The following KCNJ6 variants were observed in gnomAD, a reference collection of about 807,000 sequenced individuals.
KCNJ6 encodes potassium inwardly rectifying channel subfamily J member 6, also known as G protein-activated inward rectifier potassium channel 2.
In KCNJ6, 9 loss-of-function variants were observed where a neutral mutation model predicts 34.2. That is an observed-to-expected ratio of 0.26 (90% confidence interval 0.16 to 0.46). The LOEUF is 0.46. KCNJ6 is among the 20% of genes least tolerant of loss of function. KCNJ6 has a pLI of 1.00. For missense variants in KCNJ6, 236 were observed against 531.3 expected (o/e 0.44, Z 5.46); for synonymous variants, 196 against 207.1 (o/e 0.95, Z 0.46).
intron 1 of KCNJ6, among the ~76,000 whole-genome samples, chr21:37,882,908 G>C (rs1403642852): frequency 6.6e-6 from 1 of 152,234 alleles, no homozygotes; most frequent in African/African-American, 2.4e-5. Flanking sequence ...TGAGTGTGTT[G>C]TGTGCAAACA....
At chr21:37,901,099 CAACA>C (rs1393715313) in intron 1 of KCNJ6, among the ~76,000 whole-genome samples, 5 of 151,950 alleles carry the variant, frequency 3.3e-5, no homozygotes, top group African/African-American at 1.2e-4. Flanking sequence ...CATACTTGTG[CAACA>C]AACAAATAAG....
chr21:37,801,022 A>G (rs185058460), intron 2 of KCNJ6, among the ~76,000 whole-genome samples: 266 of 152,326 alleles, frequency 1.7e-3, no homozygotes, highest in African/African-American at 6.2e-3. Context: ...TCGTTGTTAA[A>G]GATGGCCAGT....
At chr21:37,718,981 G>T (rs2054809758) in intron 2 of KCNJ6, among the ~76,000 whole-genome samples, 1 of 152,174 alleles carries the variant, frequency 6.6e-6, no homozygotes, top group African/African-American at 2.4e-5. Flanking sequence ...GGGGAGATGG[G>T]GAGGGAAGGC....
At chr21:37,663,530 G>A (rs1319855225) in intron 3 of KCNJ6, among the ~76,000 whole-genome samples, 1 of 151,540 alleles carries the variant, frequency 6.6e-6, no homozygotes, top group African/African-American at 2.4e-5. Context: ...GCATAGAAAA[G>A]TTGAAGCTAA....
intron 1 of KCNJ6, among the ~76,000 whole-genome samples, chr21:37,900,551 G>C (rs6650844): frequency 1.3e-4 from 20 of 152,304 alleles, no homozygotes; most frequent in African/African-American, 4.1e-4. Flanking sequence ...GCATACTATG[G>C]AGGAAGTTTA....
At chr21:37,905,705 T>C (rs1056293338) in intron 1 of KCNJ6, among the ~76,000 whole-genome samples, 2 of 152,206 alleles carry the variant, frequency 1.3e-5, no homozygotes, top group African/African-American at 4.8e-5. Context: ...GTGTACATTA[T>C]TGTTTCATCA....
At chr21:37,672,073 G>A (rs1315108493) in intron 3 of KCNJ6, among the ~76,000 whole-genome samples, 20 of 152,148 alleles carry the variant, frequency 1.3e-4, no homozygotes, top group Non-Finnish European at 7.4e-5. Context: ...GCTCTGGAGG[G>A]AATTGTGTCT....
At chr21:37,861,547 A>AT in intron 1 of KCNJ6, among the ~76,000 whole-genome samples, 1 of 152,142 alleles carries the variant, frequency 6.6e-6, no homozygotes, top group Non-Finnish European at 1.5e-5. Flanking sequence ...AGGGCATGCA[A>AT]TTTAGCCCCT....
At chr21:37,671,252 T>A (rs147109786) in intron 3 of KCNJ6, among the ~76,000 whole-genome samples, 189 of 152,326 alleles carry the variant, frequency 1.2e-3, no homozygotes, top group African/African-American at 4.2e-3. Context: ...GTTCAGTTGA[T>A]CACCAATGGC....
chr21:37,816,074 C>A (rs2835982), intron 2 of KCNJ6, among the ~76,000 whole-genome samples: 48,987 of 152,068 alleles, frequency 0.32, 9,109 homozygotes, highest in South Asian at 0.4. Context: ...TGAAGGGAAC[C>A]AAGCTCTGAT....
intron 2 of KCNJ6, among the ~76,000 whole-genome samples, chr21:37,726,480 A>G (rs909761357): frequency 1.3e-5 from 2 of 152,160 alleles, no homozygotes; most frequent in South Asian, 4.1e-4. Context: ...GAGTGGGTGT[A>G]TGTTTATTGA....
chr21:37,879,356 C>T (rs889097784), intron 1 of KCNJ6, among the ~76,000 whole-genome samples: 49 of 152,284 alleles, frequency 3.2e-4, no homozygotes, highest in African/African-American at 9.9e-4. Flanking sequence ...CCCTGCAGCA[C>T]GTATGCTCCC....
Position 37,847,103 on chromosome 21 carries a change from G to A in KCNJ6, c.-27-6394C>T, listed in dbSNP as rs527348480. 1.9e-3 allele frequency among the ~76,000 whole-genome samples: 282 copies of A among 151,774 alleles called. 1 individual carries two copies. Among genetic ancestry groups the A allele is most frequent in the Admixed American group, 1.9e-3 (29 of 15,240 alleles). On this transcript the variant is annotated intron_variant, in intron 1 of 3. Transcript: ENST00000609713. ...GAAAAACAAATGGAAATGAGTAGTC[G>A]GTATGCAAGTATGGTTTGGGGCAAT...
chr21:37,724,761 A>C (rs2123461774), intron 2 of KCNJ6, among the ~76,000 whole-genome samples: 1 of 152,184 alleles, frequency 6.6e-6, no homozygotes, highest in East Asian at 1.9e-4. Flanking sequence ...CTGGACCTGG[A>C]GCAGTTGCAG....
intron 1 of KCNJ6, among the ~76,000 whole-genome samples, chr21:37,883,424 A>G (rs2836030): frequency 0.09 from 13,658 of 152,206 alleles, 666 homozygotes; most frequent in African/African-American, 0.13. Context: ...TAGCCCCAGC[A>G]GGATTGAGCC....
intron 2 of KCNJ6, among the ~76,000 whole-genome samples, chr21:37,830,849 C>T (rs1429142219): frequency 1.3e-5 from 2 of 152,208 alleles, no homozygotes; most frequent in Non-Finnish European, 2.9e-5. Flanking sequence ...CAAACCCCTG[C>T]ATGTTTGTAC....
intron 2 of KCNJ6, among the ~76,000 whole-genome samples, chr21:37,792,902 C>T (rs776919039): frequency 6.6e-6 from 1 of 152,172 alleles, no homozygotes; most frequent in Non-Finnish European, 1.5e-5. Context: ...GCTACTTCCA[C>T]TACATAGATT....
intron 3 of KCNJ6, among the ~76,000 whole-genome samples, chr21:37,677,798 A>C: frequency 3.1e-5 from 4 of 129,032 alleles, no homozygotes; most frequent in Admixed American, 7.1e-5. Flanking sequence ...CCACCCACCT[A>C]TCCACCCACC....
Position 37,714,090 on chromosome 21 carries a change from G to A in KCNJ6, c.946+121C>T, listed in dbSNP as rs1288803127. 2 of 739,144 alleles carry A rather than the reference G, an allele frequency of 2.7e-6. No individual in the cohort carries two copies. Among genetic ancestry groups the A allele is most frequent in the Non-Finnish European group, 4.6e-6 (2 of 433,128 alleles). The allele number at this position is 739,144 out of a possible 1,614,324, so 45.8% of individuals were successfully genotyped here. ...GTAGGCATACTATGTCATGAAGCAA[G>A]GGGATGTTGTCAATATTGAGTGAGG... On this transcript the variant is annotated intron_variant, in intron 3 of 3. Transcript: ENST00000609713. This position sits in a 1 kb window ranked among gnomAD's most constrained non-coding sequence, Gnocchi z 5.9.
Sources: allele counts gnomAD v4.1 joint callset (sites outside exome capture counted in the v4.1 genomes callset), GRCh38; gene constraint gnomAD v4.1.1; non-coding constraint Gnocchi (gnomAD v3.1); transcripts MANE v1.5; gene names NCBI Gene and HGNC (gene_info 2026-07-23, HGNC 2026-07-21).